The following L3MBTL4 variants were observed in gnomAD, a reference collection of about 807,000 sequenced individuals.
L3MBTL4 encodes the protein L3MBTL histone methyl-lysine binding protein 4.
A neutral mutation model predicts 84.5 loss-of-function variants in L3MBTL4; 70 were observed. The observed-to-expected ratio is 0.83, with a 90% CI of 0.68 to 1.01. The LOEUF is 1.01. L3MBTL4 is among the 50% of genes least tolerant of loss of function. L3MBTL4 has a pLI of 0.00. For missense variants in L3MBTL4, 715 were observed against 754.8 expected (o/e 0.95, Z 0.62); for synonymous variants, 274 against 259.8 (o/e 1.05, Z -0.52).
At chr18:6,175,045 C>T (rs978908351) in intron 12 of L3MBTL4, among the ~76,000 whole-genome samples, 18 of 151,880 alleles carry the variant, frequency 1.2e-4, no homozygotes, top group Admixed American at 2.6e-4. Context: ...AAAAATCTCC[C>T]TAATTTGGCC....
chr18:6,252,544 CAGAG>C (rs2047970097), intron 5 of L3MBTL4, among the ~76,000 whole-genome samples: 1 of 152,108 alleles, frequency 6.6e-6, no homozygotes, highest in African/African-American at 2.4e-5. Context: ...GGAGAACAGA[CAGAG>C]AGAGACCCTT....
intron 13 of L3MBTL4, among the ~76,000 whole-genome samples, chr18:6,164,773 C>A (rs904988968): frequency 6.6e-6 from 1 of 152,162 alleles, no homozygotes; most frequent in Non-Finnish European, 1.5e-5. Flanking sequence ...AATCAGAGTG[C>A]CTCTCCTCCT....
intron 14 of L3MBTL4, among the ~76,000 whole-genome samples, chr18:6,104,986 TA>T (rs2058954381): frequency 6.6e-6 from 1 of 151,678 alleles, no homozygotes; most frequent in South Asian, 2.1e-4. Flanking sequence ...GGGAGCTCTT[TA>T]AAAACAGCTG....
intron 12 of L3MBTL4, among the ~76,000 whole-genome samples, chr18:6,183,807 T>A (rs1357952268): frequency 6.6e-6 from 1 of 152,200 alleles, no homozygotes; most frequent in African/African-American, 2.4e-5. Flanking sequence ...TCCAGGATAT[T>A]CAATAACTCT....
chr18:5,962,510 C>T (rs557923083), intron 17 of L3MBTL4, among the ~76,000 whole-genome samples: 68 of 152,184 alleles, frequency 4.5e-4, no homozygotes, highest in Non-Finnish European at 7.4e-4. Flanking sequence ...TCCACAGCAG[C>T]GGGGAGCCCT....
In L3MBTL4 at chr18:6,298,103, G is replaced by A. The variant is rs551280069; in HGVS notation, c.127+3800C>T. On this transcript the variant is annotated intron_variant, in intron 4 of 18. Transcript: ENST00000317931. ...CTCAGCACTTTTGATAAATACTGTCGGTATGTCCTCCAAACAACAGAACCT... is the reference window on the plus strand; with the variant it reads ...CTCAGCACTTTTGATAAATACTGTCAGTATGTCCTCCAAACAACAGAACCT... 6.6e-5 allele frequency among the ~76,000 whole-genome samples: 10 copies of A among 152,190 alleles called. No individual in the cohort carries two copies. In the East Asian group the frequency reaches 1.5e-3, roughly 24 times the overall value.
chr18:6,244,196 A>C (rs1451514844), intron 6 of L3MBTL4, among the ~76,000 whole-genome samples: 1 of 152,188 alleles, frequency 6.6e-6, no homozygotes, highest in African/African-American at 2.4e-5. Flanking sequence ...CTCTGTTAAT[A>C]GGTTAAAATA....
chr18:6,166,476 G>A (rs1345710550), intron 13 of L3MBTL4, among the ~76,000 whole-genome samples: 4 of 152,130 alleles, frequency 2.6e-5, no homozygotes, highest in African/African-American at 9.7e-5. Context: ...ATAACAAACT[G>A]TCTCTCAGAC....
At chr18:6,386,731 G>A (rs1289860524) in intron 1 of L3MBTL4, among the ~76,000 whole-genome samples, 1 of 152,162 alleles carries the variant, frequency 6.6e-6, no homozygotes, top group African/African-American at 2.4e-5. Context: ...AACAACAGAA[G>A]CCAAGGAGAC....
At position 6,248,431 on chromosome 18, in the gene L3MBTL4, A is replaced by G. The variant is rs537390335; in HGVS notation, c.220-3843T>C. On this transcript the variant is annotated intron_variant, in intron 5 of 18. Coordinates refer to ENST00000317931, the MANE Select transcript of L3MBTL4 (RefSeq NM_001330559.2). ...AATACAATTGAGTTCAAATTTGTTC[A>G]ATTTGCTTTCAGTTCTTAATGATTT... 7.9e-5 allele frequency among the ~76,000 whole-genome samples: 12 copies of G among 152,294 alleles called. 1 individual carries two copies. In the South Asian group the frequency reaches 2.3e-3, roughly 29 times the overall value.
At chr18:6,223,528 CA>C (rs779995024) in intron 10 of L3MBTL4, among the ~76,000 whole-genome samples, 3 of 151,456 alleles carry the variant, frequency 2.0e-5, no homozygotes, top group South Asian at 2.1e-4. Flanking sequence ...CAAACAATGA[CA>C]AAAAAAACAT....
chr18:6,209,314 TCTA>T (rs754666674), intron 12 of L3MBTL4, among the ~76,000 whole-genome samples: 59 of 152,234 alleles, frequency 3.9e-4, no homozygotes, highest in Admixed American at 8.5e-4. Flanking sequence ...TGTTACTACT[TCTA>T]CTATTACAAA....
At chr18:6,113,271 T>C (rs2059250752) in intron 14 of L3MBTL4, among the ~76,000 whole-genome samples, 1 of 152,128 alleles carries the variant, frequency 6.6e-6, no homozygotes, top group African/African-American at 2.4e-5. Flanking sequence ...CATATCTGAT[T>C]AGTATTAAAG....
At chr18:6,051,466 G>A (rs1055071358) in intron 16 of L3MBTL4, among the ~76,000 whole-genome samples, 6 of 152,264 alleles carry the variant, frequency 3.9e-5, no homozygotes, top group Non-Finnish European at 5.9e-5. Flanking sequence ...TTGAACTTGC[G>A]GGGCGGAGGT....
At chr18:6,212,498 C>A (rs2145788909) in intron 12 of L3MBTL4, among the ~76,000 whole-genome samples, 2 of 152,290 alleles carry the variant, frequency 1.3e-5, no homozygotes, top group Middle Eastern at 6.8e-3. Context: ...TCTACAGATG[C>A]TTTCAGCTCT....
At chr18:6,163,264 G>GGGGGT (rs2043438728) in intron 13 of L3MBTL4, among the ~76,000 whole-genome samples, 3 of 109,922 alleles carry the variant, frequency 2.7e-5, no homozygotes, top group Middle Eastern at 4.1e-3. Flanking sequence ...GTGTGTGGGG[G>GGGGGT]GGGGGTGGGT....
intron 13 of L3MBTL4, among the ~76,000 whole-genome samples, chr18:6,147,045 A>G (rs1053556892): frequency 1.3e-5 from 2 of 152,168 alleles, no homozygotes; most frequent in African/African-American, 4.8e-5. Flanking sequence ...CAGTGGAGCA[A>G]GGTATGAAAT....
chr18:6,339,511 T>A (rs1317893405), intron 1 of L3MBTL4, among the ~76,000 whole-genome samples: 1 of 152,158 alleles, frequency 6.6e-6, no homozygotes, highest in East Asian at 1.9e-4. Flanking sequence ...AAAGAAAGTA[T>A]AGCCTTAAAT....
chr18:6,243,898 C>G (rs966243728), intron 6 of L3MBTL4, among the ~76,000 whole-genome samples: 27 of 152,134 alleles, frequency 1.8e-4, no homozygotes, highest in Admixed American at 1.3e-4. Context: ...ATAAAATGGT[C>G]TGAGAAATAC....
Sources: allele counts gnomAD v4.1 joint callset (sites outside exome capture counted in the v4.1 genomes callset), GRCh38; gene constraint gnomAD v4.1.1; transcripts MANE v1.5; gene names NCBI Gene and HGNC (gene_info 2026-07-23, HGNC 2026-07-21).